The following DNASE1 variants were observed in gnomAD, a reference collection of about 807,000 sequenced individuals.
DNASE1 encodes the protein deoxyribonuclease-1.
Under a neutral mutation model 33.9 loss-of-function variants are expected in DNASE1, and 40 were observed. That is an observed-to-expected ratio of 1.18 (90% confidence interval 0.92 to 1.54). The LOEUF (loss-of-function observed/expected upper bound fraction) is 1.54. Ranked by LOEUF, DNASE1 falls within the 40% of genes most tolerant of loss-of-function variation. DNASE1 has a pLI of 0.00. For synonymous variants in DNASE1, 216 were observed against 160.0 expected (o/e 1.35, Z -2.64); for missense variants, 518 against 372.6 (o/e 1.39, Z -3.21).
chr16:3,655,119 C>T (rs1315283356), intron 1 of DNASE1, 75 bp downstream of exon 1: 1 of 600,730 alleles, frequency 1.7e-6, no homozygotes, highest in Non-Finnish European at 2.9e-6. Flanking sequence ...TCTCATCCTC[C>T]AGCAGCGAGT....
At chr16:3,624,030 A>T (rs1169880788) in intron 1 of DNASE1, among the ~76,000 whole-genome samples, 2 of 152,154 alleles carry the variant, frequency 1.3e-5, no homozygotes, top group African/African-American at 4.8e-5. Flanking sequence ...ACTACCTGTA[A>T]TCCCAGCACT....
At chr16:3,612,702 C>T (rs962241987) in intron 1 of DNASE1, among the ~76,000 whole-genome samples, 20 of 152,076 alleles carry the variant, frequency 1.3e-4, no homozygotes, top group African/African-American at 4.6e-4. Context: ...AGCCACCACG[C>T]CCGGCGTAAG....
chr16:3,656,248 A>G (rs2042608200), intron 4 of DNASE1, 63 bp downstream of exon 4: 1 of 1,541,130 alleles, frequency 6.5e-7, no homozygotes, highest in Non-Finnish European at 9.0e-7. Flanking sequence ...CAGAGCAGGG[A>G]AGTAGTTTGT....
At chr16:3,616,004 C>G (rs548388831) in intron 1 of DNASE1, among the ~76,000 whole-genome samples, 1 of 152,136 alleles carries the variant, frequency 6.6e-6, no homozygotes, top group Non-Finnish European at 1.5e-5. Context: ...CTCCTGAGTT[C>G]TTTGATCATG....
At chr16:3,656,339 A>G (rs951335964) in intron 4 of DNASE1, among the ~76,000 whole-genome samples, 154 bp downstream of exon 4, 1 of 151,420 alleles carries the variant, frequency 6.6e-6, no homozygotes, top group African/African-American at 2.4e-5. Flanking sequence ...AAGGTCCCGG[A>G]CCAATGGGTT....
chr16:3,650,656 T>G (rs974598247), upstream of DNASE1: 9 of 151,560 alleles, frequency 5.9e-5, no homozygotes, highest in Admixed American at 5.3e-4. Flanking sequence ...TTCCATTTAT[T>G]AAATAAGTAA....
intron 7 of DNASE1, 93 bp downstream of exon 7, chr16:3,657,434 A>T: frequency 6.6e-7 from 1 of 1,507,964 alleles, no homozygotes; most frequent in African/African-American, 1.4e-5. Context: ...AAAGCCTTTG[A>T]ACACTCACCC....
upstream of DNASE1, among the ~76,000 whole-genome samples, chr16:3,642,403 C>T (rs1057050513): frequency 3.9e-5 from 6 of 152,234 alleles, no homozygotes; most frequent in African/African-American, 9.6e-5. Context: ...AGCCTGTCCC[C>T]TCCCTCCTTC....
intron 1 of DNASE1, among the ~76,000 whole-genome samples, chr16:3,649,491 A>T (rs190954717): frequency 6.6e-6 from 1 of 152,344 alleles, no homozygotes; most frequent in East Asian, 1.9e-4. Flanking sequence ...TCTTTTCAGT[A>T]GCAATTTGTA....
intron 1 of DNASE1, among the ~76,000 whole-genome samples, chr16:3,646,734 C>T (rs528340277): frequency 2.0e-5 from 3 of 152,158 alleles, no homozygotes; most frequent in South Asian, 4.1e-4. Context: ...GCTGTGGGGA[C>T]GGCTGGGACA....
chr16:3,654,861 C>T lies in DNASE1; in HGVS notation c.-185C>T, dbSNP rs1290230756. On this transcript the variant is annotated 5_prime_UTR_variant, in exon 1 of 9. Coordinates refer to ENST00000246949, the MANE Select transcript of DNASE1 (RefSeq NM_005223.4). ...TGAACTTTTAAAACTCCCAGACACG[C>T]ACTGCCTGTGCAGGATCCGGAGCCC... 6 of 413,206 alleles carry T rather than the reference C, an allele frequency of 1.5e-5. No homozygotes were observed. Among genetic ancestry groups the T allele is most frequent in the African/African-American group, 2.1e-5 (1 of 48,764 alleles). The allele number at this position is 413,206 out of a possible 1,614,324, so 25.6% of individuals were successfully genotyped here.
At chr16:3,633,137 C>T (rs926905641) in intron 1 of DNASE1, among the ~76,000 whole-genome samples, 9 of 152,186 alleles carry the variant, frequency 5.9e-5, no homozygotes, top group African/African-American at 1.9e-4. Flanking sequence ...ATTATTGGTA[C>T]AGTTAGATTA....
intron 1 of DNASE1, among the ~76,000 whole-genome samples, chr16:3,635,455 C>G (rs1367969790): frequency 7.2e-5 from 8 of 110,456 alleles, no homozygotes; most frequent in African/African-American, 2.5e-4. Flanking sequence ...CAGACTCTGT[C>G]TCAAAAAAAA....
rs993477562 is a variant in DNASE1 at position 3,655,962 on chromosome 16, G to A, written c.236+25G>A. ...AGTGGGTGACAGTGGCAGGGTCATA[G>A]GAAGGTGACATCTCGTCCACGGCAC... is the stretch of plus-strand genomic sequence containing the variant. On this transcript the variant is annotated intron_variant, in intron 3 of 8. Transcript: ENST00000246949. 36 of 1,613,802 alleles carry A rather than the reference G, an allele frequency of 2.2e-5. 1 individual carries two copies. The highest frequency in any genetic ancestry group is 2.2e-5 in the East Asian group (1 of 44,888).
Position 3,655,558 on chromosome 16 carries a change from C to T in DNASE1, c.147+38C>T, listed in dbSNP as rs201945500. The T allele has an allele frequency of 1.9e-4, 310 of 1,613,454 alleles. 1 individual carries two copies. In the East Asian group the frequency reaches 4.6e-3, roughly 24 times the overall value. On this transcript the variant is annotated intron_variant, in intron 2 of 8. Transcript: ENST00000246949. ...CAGCCTCCCCCCAAAAGCAGAGGAG[C>T]TCTGGAGTCTAGGGCTGGTGGGCAG...
downstream of DNASE1, chr16:3,662,894 G>A (rs1400261704): frequency 6.2e-7 from 1 of 1,613,442 alleles, no homozygotes. Context: ...TCACGTTGGT[G>A]ACACGCGACC....
chr16:3,658,404 G>A, downstream of DNASE1: 1 of 625,304 alleles, frequency 1.6e-6, no homozygotes, highest in East Asian at 2.8e-5. Flanking sequence ...ACAGGCGTGA[G>A]CCACCACGCC....
chr16:3,652,599 A>G (rs957635031), upstream of DNASE1: 6 of 152,164 alleles, frequency 3.9e-5, no homozygotes, highest in African/African-American at 1.2e-4. Flanking sequence ...TGGTGTTTCC[A>G]TCTGGTAGAC....
downstream of DNASE1, chr16:3,662,191 G>A: frequency 5.7e-6 from 9 of 1,569,966 alleles, no homozygotes; most frequent in Non-Finnish European, 7.8e-6. Context: ...AGGGCTGGCA[G>A]GATCTTACCA....
Sources: allele counts gnomAD v4.1 joint callset (sites outside exome capture counted in the v4.1 genomes callset), GRCh38; gene constraint gnomAD v4.1.1; transcripts MANE v1.5; gene names NCBI Gene and HGNC (gene_info 2026-07-23, HGNC 2026-07-21).